Variants in ABCA12 observed in about 807,000 individuals in gnomAD.
The protein encoded by ABCA12 is glucosylceramide transporter ABCA12.
Under a neutral mutation model 293.5 loss-of-function variants are expected in ABCA12, and 156 were observed. That is an observed-to-expected ratio of 0.53 (90% CI 0.47 to 0.61). ABCA12 has a LOEUF of 0.61. Among genes scored for constraint, ABCA12 ranks in the 20% least tolerant of loss-of-function variants. ABCA12 has a pLI of 0.00. For missense variants in ABCA12, 2,797 were observed against 3,090.2 expected, an observed-to-expected ratio of 0.91 and a Z score of 2.25; for synonymous variants, 1,063 against 1,108.0, an observed-to-expected ratio of 0.96 and a Z score of 0.81.
chr2:214,987,942 A>T, intron 26 of ABCA12, 149 bp from the exon 27 acceptor site: 1 of 1,036,662 alleles, frequency 9.6e-7, no homozygotes, highest in Non-Finnish European at 1.4e-6. Flanking sequence ...CAGTTTCCAT[A>T]GTAAAGCAAA....
intron 27 of ABCA12, among the ~76,000 whole-genome samples, chr2:214,986,975 T>G (rs1699801888): frequency 6.6e-6 from 1 of 152,212 alleles, no homozygotes; most frequent in African/African-American, 2.4e-5. Flanking sequence ...AATATGGTAT[T>G]ATAATTATAA....
intron 45 of ABCA12, 126 bp from the exon 46 acceptor site, chr2:214,949,275 C>A (rs1044889524): frequency 2.7e-6 from 2 of 744,824 alleles, no homozygotes; most frequent in South Asian, 1.5e-5. Context: ...TGGAATTATT[C>A]ATGGATAGTG....
intron 1 of ABCA12, among the ~76,000 whole-genome samples, chr2:215,130,906 T>C (rs1703038979): frequency 6.6e-6 from 1 of 151,734 alleles, no homozygotes; most frequent in African/African-American, 2.4e-5. Flanking sequence ...TATTTTGAGG[T>C]ATGTTTCATT....
intron 2 of ABCA12, chr2:215,081,003 A>C (rs1467097658): frequency 6.6e-6 from 1 of 152,192 alleles, no homozygotes; most frequent in Non-Finnish European, 1.5e-5. Context: ...GTTGAAAATC[A>C]CTTGGTTTAT....
At chr2:215,124,703 A>G (rs941996314) in intron 1 of ABCA12, among the ~76,000 whole-genome samples, 2 of 152,120 alleles carry the variant, frequency 1.3e-5, no homozygotes, top group African/African-American at 4.8e-5. Context: ...TCTGGATATT[A>G]GTACTTTGTC....
At chr2:214,979,375 T>A (rs976560676) in intron 31 of ABCA12, among the ~76,000 whole-genome samples, 6 of 152,124 alleles carry the variant, frequency 3.9e-5, no homozygotes, top group Non-Finnish European at 7.4e-5. Context: ...CAGATAGCGA[T>A]GTGTCCCATT....
chr2:215,103,582 C>T (rs1702403629), intron 2 of ABCA12, among the ~76,000 whole-genome samples: 1 of 151,820 alleles, frequency 6.6e-6, no homozygotes, highest in Non-Finnish European at 1.5e-5. Flanking sequence ...TATAACATCC[C>T]TCAAAATTTC....
intron 2 of ABCA12, among the ~76,000 whole-genome samples, chr2:215,108,074 C>T (rs1702498676): frequency 6.6e-6 from 1 of 152,144 alleles, no homozygotes; most frequent in South Asian, 2.1e-4. Context: ...ACTGAGGGAC[C>T]CACCATGGCT....
At position 215,133,233 on chromosome 2, in the gene ABCA12, G is replaced by A. The variant is rs867154016; in HGVS notation, c.69+4907C>T. 1.3e-4 allele frequency among the ~76,000 whole-genome samples: 16 copies of A among 121,538 alleles called. No individual in the cohort carries two copies. The Middle Eastern group carries it at 0.042, about 321-fold the overall frequency. 79.7% of individuals were successfully genotyped at this position (121,538 alleles called of 152,430 possible). Reference sequence around the variant, plus strand: ...TCTGGTGACTACATGAGTTGGTGACGTTTGGCTTGTATGAACTCTCACAAG... The same window carrying A: ...TCTGGTGACTACATGAGTTGGTGACATTTGGCTTGTATGAACTCTCACAAG... On this transcript the variant is annotated intron_variant, in intron 1 of 52. Coordinates refer to ENST00000272895, the MANE Select transcript of ABCA12 (RefSeq NM_173076.3).
At chr2:215,083,406 A>T (rs963991739) in intron 2 of ABCA12, among the ~76,000 whole-genome samples, 9 of 152,162 alleles carry the variant, frequency 5.9e-5, no homozygotes, top group Admixed American at 5.2e-4. Context: ...GTTCAGTACG[A>T]AGGTATCAGA....
Position 215,026,862 on chromosome 2 carries a change from A to G in ABCA12, c.1138T>C (p.Cys380Arg), listed in dbSNP as rs749351773. Residue 380 changes from cysteine to arginine, a missense_variant, in exon 10 of 53, where the codon TGT becomes CGT. Physicochemically the swap from Cys to Arg is radical, Grantham distance 180. Transcript: ENST00000272895. The part of the protein sequence containing the change: ...ANSPYIPYLA[C>R]VRNVTDSLAR... ...AAACTGTCAGTCACATTTCTCACAC[A>G]TGCCAAGTAAGGAATATAAGGACTA... 5 of 1,613,692 alleles carry G rather than the reference A, an allele frequency of 3.1e-6. No individual in the cohort carries two copies. In the African/African-American group the frequency reaches 6.7e-5, roughly 22 times the overall value.
At chr2:215,090,452 G>A (rs979490714) in intron 2 of ABCA12, among the ~76,000 whole-genome samples, 6 of 152,176 alleles carry the variant, frequency 3.9e-5, no homozygotes, top group South Asian at 2.1e-4. Context: ...TCAGTTAAGC[G>A]GCTTCTTTTT....
chr2:215,033,673 G>A (rs1293279112), intron 8 of ABCA12, among the ~76,000 whole-genome samples: 1 of 152,088 alleles, frequency 6.6e-6, no homozygotes, highest in Non-Finnish European at 1.5e-5. Context: ...CGGGCACAGT[G>A]GCTCATGCCT....
intron 1 of ABCA12, among the ~76,000 whole-genome samples, chr2:215,114,366 A>C (rs1702644013): frequency 6.6e-6 from 1 of 152,198 alleles, no homozygotes. Context: ...TGAATTTTAA[A>C]ACATTATTCT....
intron 13 of ABCA12, among the ~76,000 whole-genome samples, chr2:215,018,601 A>G (rs1014348414): frequency 6.6e-6 from 1 of 152,220 alleles, no homozygotes; most frequent in African/African-American, 2.4e-5. Flanking sequence ...CTACAGTTAT[A>G]AAGGGTTTTT....
intron 51 of ABCA12, among the ~76,000 whole-genome samples, chr2:214,936,045 G>A (rs1262235616): frequency 6.6e-6 from 1 of 152,054 alleles, no homozygotes; most frequent in Admixed American, 6.6e-5. Flanking sequence ...TACTGTAGTA[G>A]TACTCCCTTA....
At position 214,936,783 on chromosome 2, in the gene ABCA12, T is replaced by C. The variant is rs947973966; in HGVS notation, c.7542+727A>G. Among the ~76,000 whole-genome samples, 21 of 152,184 alleles carry C rather than the reference T, an allele frequency of 1.4e-4. 1 individual carries two copies. Among genetic ancestry groups the C allele is most frequent in the African/African-American group, 4.8e-5 (2 of 41,466 alleles). On this transcript the variant is annotated intron_variant, in intron 51 of 52. Coordinates refer to ENST00000272895, the MANE Select transcript of ABCA12 (RefSeq NM_173076.3). ...TGAGGGGGACAAACCAGATAATCAT[T>C]CTGGAGCTCTGTAGTTTTTTGGGTT...
chr2:215,090,094 C>T (rs1265063745), intron 2 of ABCA12, among the ~76,000 whole-genome samples: 1 of 152,166 alleles, frequency 6.6e-6, no homozygotes, highest in African/African-American at 2.4e-5. Context: ...TCCCACTGAG[C>T]TTCCTTGTGA....
In ABCA12 at chr2:215,037,175, A is replaced by G. The variant is rs1701011929; in HGVS notation, c.873-110T>C. 3.7e-6 allele frequency: 3 copies of G among 812,362 alleles called. No homozygotes were observed. The South Asian group carries it at 4.5e-5, about 12-fold the overall frequency. The allele number at this position is 812,362 out of a possible 1,614,324, so 50.3% of individuals were successfully genotyped here. A position where few individuals can be genotyped will look rare whatever the true frequency, so the allele number is the denominator to read the frequency against. On this transcript the variant is annotated intron_variant, in intron 7 of 52. Coordinates refer to ENST00000272895, the MANE Select transcript of ABCA12 (RefSeq NM_173076.3). ...ACAGTATAAATTATTCTTATAATAT[A>G]AAAGACAAGATGCTACTTTTTGTAA...
Sources: gnomAD v4.1 joint callset for allele counts (sites outside exome capture counted in the v4.1 genomes callset) on GRCh38, gnomAD v4.1.1 for gene constraint, MANE v1.5 for transcripts, NCBI Gene and HGNC (gene_info 2026-07-23, HGNC 2026-07-21) for gene names.